Variants in GRID2 observed in about 807,000 individuals in gnomAD.
GRID2 encodes the protein glutamate receptor ionotropic, delta-2.
Under a neutral mutation model 114.8 loss-of-function variants are expected in GRID2, and 33 were observed. The observed-to-expected ratio is 0.29, with a 90% CI of 0.22 to 0.38. The LOEUF (loss-of-function observed/expected upper bound fraction) is 0.38. Ranked by LOEUF, GRID2 falls within the 10% of genes least tolerant of loss-of-function variation. The pLI is 1.00. For synonymous variants in GRID2, 505 were observed against 449.9 expected (o/e 1.12, Z -1.55); for missense variants, 1,184 against 1,257.7 (o/e 0.94, Z 0.89).
chr4:92,484,150 T>C (rs1722752001), intron 1 of GRID2, among the ~76,000 whole-genome samples: 1 of 152,200 alleles, frequency 6.6e-6, no homozygotes. Flanking sequence ...ACATTTTAAC[T>C]GACAATAGTT....
At position 92,952,765 on chromosome 4, in the gene GRID2, T is replaced by A. The variant is rs1014263954; in HGVS notation, c.245-132230T>A. Among the ~76,000 whole-genome samples the A allele has an allele frequency of 5.3e-5, 8 of 152,220 alleles. No homozygotes were observed. In the East Asian group the frequency reaches 1.5e-3, roughly 29 times the overall value. On this transcript the variant is annotated intron_variant, in intron 2 of 15. Coordinates refer to ENST00000282020, the MANE Select transcript of GRID2 (RefSeq NM_001510.4). Reference sequence around the variant, plus strand: ...GGCTTCTTTTGTCATTGTATTTTATTTCCTAATTCAGTAAAACCTGTAATT... The same window carrying A: ...GGCTTCTTTTGTCATTGTATTTTATATCCTAATTCAGTAAAACCTGTAATT...
In GRID2 at chr4:93,769,328, G is replaced by C. The variant is rs200927178; in HGVS notation, c.2479G>C (p.Asp827His). The change falls in exon 15 of 16, where the codon GAC (aspartate) becomes CAC (histidine). Residue 827 changes from aspartate (D) to histidine (H), a missense_variant. Transcript: ENST00000282020. ...VDTKQKGGAL[D>H]IKSFAGVFCI... Reference sequence around the variant, plus strand: ...CACAAAGCAGAAAGGAGGCGCCCTGGACATAAAGAGCTTTGCAGGGGTCTT... The same window carrying C: ...CACAAAGCAGAAAGGAGGCGCCCTGCACATAAAGAGCTTTGCAGGGGTCTT... 6.2e-7 allele frequency: 1 copy of C among 1,614,098 alleles called. No individual in the cohort carries two copies. Among genetic ancestry groups the C allele is most frequent in the Admixed American group, 1.7e-5 (1 of 60,008 alleles).
rs112102015 is a variant in GRID2, at chr4:93,764,646, T to C, written c.2361-4564T>C. On this transcript the variant is annotated intron_variant, in intron 14 of 15. Transcript: ENST00000282020. ...CACCATGGTGTAAAAATAGCAGGAATTTTTCTGACTATACTCCAAAAAGAG... is the reference window on the plus strand; with the variant it reads ...CACCATGGTGTAAAAATAGCAGGAACTTTTCTGACTATACTCCAAAAAGAG... Among the ~76,000 whole-genome samples the C allele has an allele frequency of 3.6e-3, 542 of 152,270 alleles. 3 individuals are homozygous for C. The highest frequency in any genetic ancestry group is 0.013 in the African/African-American group (521 of 41,548).
At chr4:93,181,341 T>C (rs1235890330) in intron 4 of GRID2, among the ~76,000 whole-genome samples, 1 of 152,174 alleles carries the variant, frequency 6.6e-6, no homozygotes, top group Non-Finnish European at 1.5e-5. Context: ...TGTGCTGTCA[T>C]CCAGGCTTTA....
intron 14 of GRID2, among the ~76,000 whole-genome samples, chr4:93,753,738 A>G (rs900959055): frequency 1.1e-4 from 16 of 152,176 alleles, no homozygotes; most frequent in African/African-American, 3.9e-4. Flanking sequence ...AATCCAGTCT[A>G]TCATTGATGG....
At chr4:92,757,596 C>T (rs1249771830) in intron 2 of GRID2, among the ~76,000 whole-genome samples, 1 of 151,674 alleles carries the variant, frequency 6.6e-6, no homozygotes, top group Non-Finnish European at 1.5e-5. Context: ...GATTATGTTT[C>T]AAGTCATGAG....
At chr4:93,253,257 A>C (rs1442514412) in intron 8 of GRID2, among the ~76,000 whole-genome samples, 2 of 152,138 alleles carry the variant, frequency 1.3e-5, no homozygotes, top group African/African-American at 4.8e-5. Flanking sequence ...CTCTGTCTAA[A>C]AAAACAAAAC....
At chr4:93,722,179 G>A (rs551607190) in intron 14 of GRID2, among the ~76,000 whole-genome samples, 57 of 152,052 alleles carry the variant, frequency 3.7e-4, no homozygotes, top group African/African-American at 1.3e-3. Flanking sequence ...GCCTACCAAA[G>A]TGCTAGGATT....
At chr4:93,735,567 A>C (rs909203544) in intron 14 of GRID2, among the ~76,000 whole-genome samples, 2 of 152,050 alleles carry the variant, frequency 1.3e-5, no homozygotes, top group South Asian at 4.1e-4. Context: ...ACATTGATCA[A>C]TGTAACTCTG....
At chr4:92,645,381 T>A (rs1036032426) in intron 2 of GRID2, among the ~76,000 whole-genome samples, 2 of 151,818 alleles carry the variant, frequency 1.3e-5, no homozygotes, top group Non-Finnish European at 2.9e-5. Context: ...TATTTGTAGT[T>A]GTAGTCAAGA....
At chr4:93,764,028 C>G (rs1049712655) in intron 14 of GRID2, among the ~76,000 whole-genome samples, 1 of 152,150 alleles carries the variant, frequency 6.6e-6, no homozygotes, top group Non-Finnish European at 1.5e-5. Flanking sequence ...CAACTTTCAG[C>G]AACCTGTTTT....
intron 4 of GRID2, among the ~76,000 whole-genome samples, chr4:93,186,148 A>G (rs954880155): frequency 3.9e-5 from 6 of 152,092 alleles, no homozygotes; most frequent in African/African-American, 7.2e-5. Context: ...CAGTCTATCA[A>G]TGATGGACAT....
chr4:93,031,707 G>A (rs1047824577), intron 2 of GRID2, among the ~76,000 whole-genome samples: 1 of 151,592 alleles, frequency 6.6e-6, no homozygotes, highest in Non-Finnish European at 1.5e-5. Flanking sequence ...AGATTGTGAG[G>A]CCTCCCCAGT....
intron 2 of GRID2, among the ~76,000 whole-genome samples, chr4:92,804,854 T>C (rs1232581888): frequency 1.3e-5 from 2 of 152,048 alleles, no homozygotes; most frequent in East Asian, 3.9e-4. Context: ...CCTAATTTAA[T>C]AACAATTTTG....
intron 13 of GRID2, among the ~76,000 whole-genome samples, chr4:93,561,449 G>T (rs1734918004): frequency 6.6e-6 from 1 of 151,974 alleles, no homozygotes; most frequent in Admixed American, 6.6e-5. Flanking sequence ...TATACCATTT[G>T]CCCCTAAACA....
chr4:93,690,079 G>T (rs1040177656), intron 14 of GRID2, among the ~76,000 whole-genome samples: 4 of 151,954 alleles, frequency 2.6e-5, no homozygotes, highest in African/African-American at 9.7e-5. Flanking sequence ...AATGCTATAG[G>T]ATAAACTTAT....
At chr4:93,514,405 T>TC in intron 12 of GRID2, among the ~76,000 whole-genome samples, 1 of 135,242 alleles carries the variant, frequency 7.4e-6, no homozygotes, top group Non-Finnish European at 1.6e-5. Flanking sequence ...TAGAAATCGC[T>TC]CCCCCCACCT....
rs1394343768 is a variant in GRID2, at chr4:92,667,603, TCTTA to T, written c.244+77322_244+77325del. ...CCATATGCGCTACTCAATGCATACT[TCTTA>T]CTTATTTTTGCCTAGACTATATATA... On this transcript the variant is annotated intron_variant, in intron 2 of 15. Transcript: ENST00000282020. 2.0e-5 allele frequency among the ~76,000 whole-genome samples: 3 copies of T among 151,684 alleles called. No homozygotes were observed. The South Asian group carries it at 6.2e-4, about 31-fold the overall frequency.
chr4:92,403,021 T>C (rs1027027815), intron 1 of GRID2, among the ~76,000 whole-genome samples: 2 of 152,190 alleles, frequency 1.3e-5, no homozygotes, highest in African/African-American at 4.8e-5. Context: ...CATCTTGTAG[T>C]TTTTCATATG....
Sources: gnomAD v4.1 joint callset for allele counts (sites outside exome capture counted in the v4.1 genomes callset) on GRCh38, gnomAD v4.1.1 for gene constraint, MANE v1.5 for transcripts, NCBI Gene and HGNC (gene_info 2026-07-23, HGNC 2026-07-21) for gene names.